Variants in CCDC71 observed in about 807,000 individuals in gnomAD.
CCDC71 encodes the protein coiled-coil domain-containing protein 71.
For synonymous variants in CCDC71, 257 were observed against 242.2 expected (o/e 1.06, Z -0.57); for missense variants, 594 against 604.0 (o/e 0.98, Z 0.17).
Position 49,162,690 on chromosome 3 carries a change from C to A in CCDC71, c.*115G>T. 3 of 869,018 alleles carry A rather than the reference C, an allele frequency of 3.5e-6. No homozygotes were observed. The highest frequency in any genetic ancestry group is 4.7e-6 in the Non-Finnish European group (3 of 641,328). The allele number at this position is 869,018 out of a possible 1,614,324, so 53.8% of individuals were successfully genotyped here. A position where few individuals can be genotyped will look rare whatever the true frequency, so the allele number is the denominator to read the frequency against. On this transcript the variant is annotated 3_prime_UTR_variant, in exon 2 of 2. Transcript: ENST00000321895. Reference sequence around the variant, plus strand: ...AAAGGAGGCTGGTGGTCACCAGGGCCCTAGAGAGGCACCGGGAGTCCTCAA... The same window carrying A: ...AAAGGAGGCTGGTGGTCACCAGGGCACTAGAGAGGCACCGGGAGTCCTCAA...
chr3:49,164,110 G>C lies in CCDC71; in HGVS notation c.99C>G (p.Val33=), dbSNP rs369021116. The change falls in exon 2 of 2, where the codon GTC becomes GTG. Residue 33 remains valine, a synonymous_variant. Transcript: ENST00000321895. ...TGAGATCCTGGCTCATTGGGTTAAA[G>C]ACAAGCAGTGCCTCTTCCAGGGCCT... ...GKKALEEALL[V]FNPMSQDLSA... is the part of the protein sequence containing the mutation. The C allele has an allele frequency of 9.3e-6, 15 of 1,614,048 alleles. No homozygotes were observed. Among genetic ancestry groups the C allele is most frequent in the East Asian group, 2.2e-5 (1 of 44,888 alleles).
Position 49,162,815 on chromosome 3 carries a change from G to A in CCDC71, c.1394C>T (p.Ser465Leu). ...TGCCGTGTGAAGGAATCAGACTGCT[G>A]AATATGGCAGCAATGGCTGGAGCCG... is the stretch of plus-strand genomic sequence containing the variant. ...VIRLQPLLPY[S>L]AV Residue 465 changes from serine to leucine, a missense_variant, in exon 2 of 2, where the codon TCA becomes TTA. Ser to Leu is a moderately radical substitution (Grantham distance 145). Coordinates refer to ENST00000321895, the MANE Select transcript of CCDC71 (RefSeq NM_022903.4). The A allele has an allele frequency of 1.2e-6, 2 of 1,613,182 alleles. No homozygotes were observed. The highest frequency in any genetic ancestry group is 8.5e-7 in the Non-Finnish European group (1 of 1,179,602).
rs1191335059 is a variant in CCDC71 at position 49,162,807 on chromosome 3, A to T, written c.1402T>A (p.Ter468ArgextTer18). ...CCAAACATTGCCGTGTGAAGGAATC[A>T]GACTGCTGAATATGGCAGCAATGGC... ...LQPLLPYSAV[*>R] The change falls in exon 2 of 2, where the codon TGA (stop) becomes AGA (arginine). Residue 468 changes from the stop codon to arginine (R), a stop_lost. Coordinates refer to ENST00000321895, the MANE Select transcript of CCDC71 (RefSeq NM_022903.4). 1 of 1,612,820 alleles carries T rather than the reference A, an allele frequency of 6.2e-7. No homozygotes were observed. The highest frequency in any genetic ancestry group is 1.7e-5 in the Admixed American group (1 of 59,990).
intron 1 of CCDC71, among the ~76,000 whole-genome samples, chr3:49,164,603 C>T (rs1304154413): frequency 6.6e-6 from 1 of 152,172 alleles, no homozygotes; most frequent in Non-Finnish European, 1.5e-5. Context: ...GGAATACAGG[C>T]AATATCCCTG....
intron 1 of CCDC71, 128 bp from the exon 2 acceptor site, chr3:49,164,388 GGT>G: frequency 9.5e-6 from 6 of 632,524 alleles, no homozygotes; most frequent in Non-Finnish European, 1.7e-5. Flanking sequence ...GACACTTCCT[GGT>G]GTAAAACCCT....
intron 1 of CCDC71, among the ~76,000 whole-genome samples, chr3:49,165,029 C>G (rs1254339325): frequency 6.6e-6 from 1 of 152,186 alleles, no homozygotes; most frequent in Admixed American, 6.5e-5. Flanking sequence ...GTTCTGTTTT[C>G]AGTCTCTAGA....
Position 49,163,226 on chromosome 3 carries a change from T to G in CCDC71, c.983A>C (p.Gln328Pro), listed in dbSNP as rs769666957. ...CATGACTTTGGCCTTGGCCTTGACC[T>G]GTGCTGCCTTAGCTTTGGCCTTAGC... The part of the protein sequence containing the change: ...VKAKAKAKAA[Q>P]VKAKAKVMAA... Residue 328 changes from glutamine (Q) to proline (P), a missense_variant, in exon 2 of 2, where the codon CAG becomes CCG. Transcript: ENST00000321895. The G allele has an allele frequency of 1.3e-6, 2 of 1,570,916 alleles. No homozygotes were observed. Among genetic ancestry groups the G allele is most frequent in the Non-Finnish European group, 1.7e-6 (2 of 1,148,204 alleles).
Position 49,162,864 on chromosome 3 carries a change from G to A in CCDC71, c.1345C>T (p.Arg449Cys), listed in dbSNP as rs201199266. 1.3e-4 allele frequency: 216 copies of A among 1,613,942 alleles called. 1 individual carries two copies. Among genetic ancestry groups the A allele is most frequent in the Admixed American group, 3.3e-5 (2 of 60,016 alleles). The stretch of plus-strand genomic sequence containing the variant: ...CGTATTACAGGTGACAGGTTCACGC[G>A]GAGGATCCGCTGAGCCCGCTGCCGC... ...EVRQRAQRIL[R>C]VNLSPVIRLQ... Residue 449 changes from arginine (R) to cysteine (C), a missense_variant, in exon 2 of 2, where the codon CGC becomes TGC. By Grantham distance (180) the Arg-to-Cys change is radical. Coordinates refer to ENST00000321895, the MANE Select transcript of CCDC71 (RefSeq NM_022903.4).
At position 49,163,568 on chromosome 3, in the gene CCDC71, T is replaced by C; in HGVS notation, c.641A>G (p.Lys214Arg). ...SLADSPLKLR[K>R]SSGKGPGNPR... ...GTTCCCCGGACCCTTCCCTGAACTT[T>C]TCCGCAGTTTCAGAGGAGAGTCTGC... The change falls in exon 2 of 2, where the codon AAA becomes AGA. Residue 214 changes from lysine (K) to arginine (R), a missense_variant. Physicochemically the swap from Lys to Arg is conservative, Grantham distance 26 (BLOSUM62 2). Coordinates refer to ENST00000321895, the MANE Select transcript of CCDC71 (RefSeq NM_022903.4). 6.2e-7 allele frequency: 1 copy of C among 1,614,210 alleles called. No individual in the cohort carries two copies. The highest frequency in any genetic ancestry group is 8.5e-7 in the Non-Finnish European group (1 of 1,180,026).
Position 49,163,137 on chromosome 3 carries a change from T to TCCGAGCCACCTTGGCCTTGGC in CCDC71, c.1051_1071dup (p.Ala351_Arg357dup), listed in dbSNP as rs1198550508. ...GGCCTGCCTCTGCCCCTGGGCTGGG[T>TCCGAGCCACCTTGGCCTTGGC]CCGAGCCACCTTGGCCTTGGCCCGT... On this transcript the variant is annotated inframe_insertion, in exon 2 of 2. Transcript: ENST00000321895. The TCCGAGCCACCTTGGCCTTGGC allele has an allele frequency of 2.5e-6, 4 of 1,614,130 alleles. No homozygotes were observed. The highest frequency in any genetic ancestry group is 2.7e-5 in the African/African-American group (2 of 74,964).
rs1575545754 is a variant in CCDC71 at position 49,166,096 on chromosome 3, C to G, written c.-53+171G>C. Among the ~76,000 whole-genome samples, 1 of 151,066 alleles carries G rather than the reference C, an allele frequency of 6.6e-6. No individual in the cohort carries two copies. Among genetic ancestry groups the G allele is most frequent in the South Asian group, 2.1e-4 (1 of 4,746 alleles). On this transcript the variant is annotated intron_variant, in intron 1 of 1. Transcript: ENST00000321895. The surrounding 1 kb of genome is among the most constrained non-coding windows in gnomAD (Gnocchi z 4.0). ...GTGAACGGTGCTAGCCCTACCGGGA[C>G]CGCACAGCCCCAGGGTGGGGTCGCT...
In CCDC71 at chr3:49,163,256, A is replaced by G; in HGVS notation, c.953T>C (p.Val318Ala). Residue 318 changes from valine (V) to alanine (A), a missense_variant, in exon 2 of 2, where the codon GTC (valine) becomes GCC (alanine). Physicochemically the swap from Val to Ala is moderately conservative, Grantham distance 64. Transcript: ENST00000321895. ...TGCCTTAGCTTTGGCCTTAGCCTTG[A>G]CCTGTGCTGCCTTGGCCTTGGCCCG... ...KARAKAKAAQVKAKAKAKAAQ... is the reference protein window; with the variant it reads ...KARAKAKAAQAKAKAKAKAAQ... 1 of 1,573,506 alleles carries G rather than the reference A, an allele frequency of 6.4e-7. No homozygotes were observed. Among genetic ancestry groups the G allele is most frequent in the Non-Finnish European group, 8.7e-7 (1 of 1,149,928 alleles).
Position 49,163,233 on chromosome 3 carries a change from C to T in CCDC71, c.976G>A (p.Ala326Thr). The stretch of plus-strand genomic sequence containing the variant: ...TTGGCCTTGGCCTTGACCTGTGCTG[C>T]CTTAGCTTTGGCCTTAGCCTTGACC... ...AQVKAKAKAK[A>T]AQVKAKAKVM... Residue 326 changes from alanine to threonine, a missense_variant, in exon 2 of 2, where the codon GCA becomes ACA. By Grantham distance (58) the Ala-to-Thr change is moderately conservative. Transcript: ENST00000321895. 1.3e-6 allele frequency: 2 copies of T among 1,572,070 alleles called. No homozygotes were observed. Among genetic ancestry groups the T allele is most frequent in the Non-Finnish European group, 1.7e-6 (2 of 1,148,722 alleles).
chr3:49,163,821 T>C lies in CCDC71; in HGVS notation c.388A>G (p.Thr130Ala). ...GTAGCATGCTTGGCAAGGGCTGGTG[T>C]GGATGCTTTGGCCAGTCTGCCAGAT... ...PLSGRLAKAS[T>A]PALAKHATTN... The change falls in exon 2 of 2, where the codon ACA becomes GCA. Residue 130 changes from threonine to alanine, a missense_variant. Coordinates refer to ENST00000321895, the MANE Select transcript of CCDC71 (RefSeq NM_022903.4). 1 of 1,614,126 alleles carries C rather than the reference T, an allele frequency of 6.2e-7. No individual in the cohort carries two copies. Among genetic ancestry groups the C allele is most frequent in the Non-Finnish European group, 8.5e-7 (1 of 1,180,020 alleles).
rs1014856859 is a variant in CCDC71 at position 49,163,277 on chromosome 3, G to T, written c.932C>A (p.Ala311Asp). 75 of 1,590,046 alleles carry T rather than the reference G, an allele frequency of 4.7e-5. No homozygotes were observed. Among genetic ancestry groups the T allele is most frequent in the Non-Finnish European group, 6.5e-5 (75 of 1,161,096 alleles). ...RTQAKAAKAR[A>D]KAKAAQVKAK... is the part of the protein sequence containing the mutation. ...CTTGACCTGTGCTGCCTTGGCCTTGGCCCGGGCCTTAGCAGCCTTGGCCTG... is the reference window on the plus strand; with the variant it reads ...CTTGACCTGTGCTGCCTTGGCCTTGTCCCGGGCCTTAGCAGCCTTGGCCTG... The change falls in exon 2 of 2, where the codon GCC becomes GAC. Residue 311 changes from alanine (A) to aspartate (D), a missense_variant. Ala to Asp is a moderately radical substitution (Grantham distance 126). Coordinates refer to ENST00000321895, the MANE Select transcript of CCDC71 (RefSeq NM_022903.4).
chr3:49,164,881 A>G (rs2045714058), intron 1 of CCDC71, among the ~76,000 whole-genome samples: 1 of 152,248 alleles, frequency 6.6e-6, no homozygotes, highest in Non-Finnish European at 1.5e-5. Context: ...ACAGGCGAGG[A>G]TAGAGCAACA....
chr3:49,163,081 C>A lies in CCDC71; in HGVS notation c.1128G>T (p.Arg376Ser), dbSNP rs956154756. 2 of 1,614,150 alleles carry A rather than the reference C, an allele frequency of 1.2e-6. No homozygotes were observed. Among genetic ancestry groups the A allele is most frequent in the Non-Finnish European group, 1.7e-6 (2 of 1,180,054 alleles). ...TCTCAGGGCGGTTTTTCTGGCCCTT[C>A]CTTGTAGTTCTGGCCTTAGCAGATC... ...PKGSAKARTT[R>S]KGQKNRPETV... Residue 376 changes from arginine (R) to serine (S), a missense_variant, in exon 2 of 2, where the codon AGG becomes AGT. Arg to Ser is a moderately radical substitution (Grantham distance 110). Transcript: ENST00000321895.
In CCDC71 at chr3:49,163,720, G is replaced by A; in HGVS notation, c.489C>T (p.Thr163=). 1 of 1,614,058 alleles carries A rather than the reference G, an allele frequency of 6.2e-7. No individual in the cohort carries two copies. The highest frequency in any genetic ancestry group is 1.3e-5 in the African/African-American group (1 of 75,026). The change falls in exon 2 of 2, where the codon ACC becomes ACT. Residue 163 remains threonine (T), a synonymous_variant. Transcript: ENST00000321895. ...CAGGGTAGACACCTGGATAAAGGTG[G>A]GTGGGGAAGCCCACTGCTGCACCCC... ...HARGAAVGFP[T]HLYPGVYPAM...
chr3:49,165,748 C>T (rs1004233667), intron 1 of CCDC71, among the ~76,000 whole-genome samples: 3 of 152,266 alleles, frequency 2.0e-5, no homozygotes, highest in African/African-American at 7.2e-5. Context: ...GAGAGAGGGA[C>T]CTATTTCCCA....
Sources: gnomAD v4.1 joint callset for allele counts (sites outside exome capture counted in the v4.1 genomes callset) on GRCh38, gnomAD v4.1.1 for gene constraint, Gnocchi (gnomAD v3.1) non-coding constraint, MANE v1.5 for transcripts, NCBI Gene and HGNC (gene_info 2026-07-23, HGNC 2026-07-21) for gene names.